PRRG1: variants seen among roughly 807,000 people sequenced by gnomAD.
PRRG1 encodes proline rich and Gla domain 1.
A neutral mutation model predicts 11.8 loss-of-function variants in PRRG1; 5 were observed. The ratio of observed to expected loss-of-function variants is 0.42; its 90% CI spans 0.22 to 0.89. The LOEUF (loss-of-function observed/expected upper bound fraction) is 0.89, where lower values mean the gene tolerates loss of function less well. Ranked by LOEUF, PRRG1 falls within the 40% of genes least tolerant of loss-of-function variation. The pLI is 0.28. For synonymous variants in PRRG1, 66 were observed against 60.4 expected, an observed-to-expected ratio of 1.09 and a Z score of -0.43; for missense variants, 155 against 166.1, an observed-to-expected ratio of 0.93 and a Z score of 0.37.
In PRRG1 at chrX:37,427,744, A is replaced by G. The variant is rs1332045540; in HGVS notation, c.171+1744A>G. On this transcript the variant is annotated intron_variant, in intron 3 of 3. Coordinates refer to ENST00000378628, the MANE Select transcript of PRRG1 (RefSeq NM_001142395.2). ...CTATGCCTGGCTTATTTCACTTAAT[A>G]TAACGTCCTCCAGGTCTATTAATGT... Among the ~76,000 whole-genome samples, 3 of 112,009 alleles carry G rather than the reference A, an allele frequency of 2.7e-5. No individual in the cohort carries two copies. In the Admixed American group the frequency reaches 2.9e-4, roughly 11 times the overall value.
chrX:37,447,811 A>G (rs782734307), intron 3 of PRRG1, among the ~76,000 whole-genome samples: 1 of 112,656 alleles, frequency 8.9e-6, no homozygotes, highest in East Asian at 2.8e-4. Context: ...AGTTTTAGCA[A>G]GAAGAAACCA....
chrX:37,394,619 A>G (rs1476536608), intron 1 of PRRG1, among the ~76,000 whole-genome samples: 2 of 111,797 alleles, frequency 1.8e-5, no homozygotes, highest in Non-Finnish European at 3.8e-5. Context: ...CAGTGTTTCA[A>G]AACTAATAAA....
chrX:37,381,381 A>G (rs1282069992), intron 1 of PRRG1, among the ~76,000 whole-genome samples: 1 of 112,290 alleles, frequency 8.9e-6, no homozygotes, highest in Non-Finnish European at 1.9e-5. Context: ...TGTATATACT[A>G]TAAGGATGTT....
intron 3 of PRRG1, among the ~76,000 whole-genome samples, chrX:37,426,215 A>G (rs1556388375): frequency 9.0e-6 from 1 of 111,582 alleles, no homozygotes; most frequent in Non-Finnish European, 1.9e-5. Context: ...CCGTTCCTAT[A>G]GGACTCTGCT....
chrX:37,421,055 G>A (rs1932648211), intron 2 of PRRG1, among the ~76,000 whole-genome samples: 1 of 111,151 alleles, frequency 9.0e-6, no homozygotes, highest in Non-Finnish European at 1.9e-5. Context: ...AGAACCTTGA[G>A]GGCAGAGGTC....
intron 1 of PRRG1, among the ~76,000 whole-genome samples, chrX:37,359,603 C>T (rs1930351876): frequency 1.8e-5 from 2 of 111,150 alleles, no homozygotes; most frequent in South Asian, 7.4e-4. Flanking sequence ...CTGTAGTTTT[C>T]TTTTCTAGTA....
chrX:37,393,605 G>T (rs942752904), intron 1 of PRRG1, among the ~76,000 whole-genome samples: 6 of 111,334 alleles, frequency 5.4e-5, no homozygotes, highest in African/African-American at 1.6e-4. Context: ...TTGACTGTTT[G>T]TCTTTGTCTC....
At chrX:37,380,931 A>T (rs1260171398) in intron 1 of PRRG1, among the ~76,000 whole-genome samples, 2 of 111,622 alleles carry the variant, frequency 1.8e-5, no homozygotes, top group African/African-American at 3.3e-5. Flanking sequence ...CAGGATTTCC[A>T]CAAACTGCTT....
intron 3 of PRRG1, among the ~76,000 whole-genome samples, chrX:37,426,623 T>C (rs781800163): frequency 2.7e-4 from 30 of 111,658 alleles, no homozygotes; most frequent in Non-Finnish European, 4.9e-4. Context: ...GTGTCACTTA[T>C]GCTAAAAAGA....
intron 3 of PRRG1, among the ~76,000 whole-genome samples, chrX:37,433,427 A>G (rs1602030191): frequency 9.0e-6 from 1 of 111,396 alleles, no homozygotes; most frequent in South Asian, 3.9e-4. Flanking sequence ...CTAGATGGAT[A>G]TGTCTGAGTT....
chrX:37,359,529 G>A (rs182747953), intron 1 of PRRG1, among the ~76,000 whole-genome samples: 14 of 110,980 alleles, frequency 1.3e-4, no homozygotes, highest in African/African-American at 4.6e-4. Flanking sequence ...ATATATGGTT[G>A]GTGGATACAA....
chrX:37,392,374 AT>A (rs1379931157), intron 1 of PRRG1, among the ~76,000 whole-genome samples: 1 of 109,776 alleles, frequency 9.1e-6, no homozygotes, highest in East Asian at 2.8e-4. Context: ...CTGATGTATC[AT>A]TAGAAAACTA....
chrX:37,403,104 A>G (rs1443975394), intron 1 of PRRG1, among the ~76,000 whole-genome samples: 1 of 109,333 alleles, frequency 9.1e-6, no homozygotes, highest in African/African-American at 3.3e-5. Flanking sequence ...TAGAAATACC[A>G]TTTGACCCAG....
chrX:37,386,726 G>A (rs1931343847), intron 1 of PRRG1: 1 of 111,878 alleles, frequency 8.9e-6, no homozygotes, highest in African/African-American at 3.3e-5. Context: ...CAGACATTAT[G>A]ATCCTGGGCA....
chrX:37,378,252 C>G (rs1314023715), intron 1 of PRRG1, among the ~76,000 whole-genome samples: 1 of 111,809 alleles, frequency 8.9e-6, no homozygotes, highest in Middle Eastern at 4.2e-3. Context: ...TTGTCTTACT[C>G]TTATATCTCT....
intron 3 of PRRG1, chrX:37,441,727 G>T: frequency 1.3e-6 from 1 of 789,849 alleles, no homozygotes; most frequent in Non-Finnish European, 1.5e-6. Context: ...GCACGTCCAG[G>T]AGCTGATGAG....
Position 37,455,952 on chromosome X carries a change from C to A in PRRG1, c.*2331C>A, listed in dbSNP as rs1294393034. 8 of 111,783 alleles carry A rather than the reference C, an allele frequency of 7.2e-5. No homozygotes were observed. The highest frequency in any genetic ancestry group is 1.3e-4 in the Non-Finnish European group (7 of 53,135). The allele number at this position is 111,783 out of a possible 1,213,427, so 9.2% of individuals were successfully genotyped here. The stretch of plus-strand genomic sequence containing the variant: ...AGCCTTTCAGGGGGGACTATGAGAT[C>A]AAAATATTTTTATTATAATGTGAAG... On this transcript the variant is annotated 3_prime_UTR_variant, in exon 4 of 4. Transcript: ENST00000378628.
At chrX:37,398,081 T>A (rs1931786298) in intron 1 of PRRG1, among the ~76,000 whole-genome samples, 1 of 108,665 alleles carries the variant, frequency 9.2e-6, no homozygotes, top group Non-Finnish European at 1.9e-5. Context: ...AGCAGTAACC[T>A]CTGCAGACTT....
intron 3 of PRRG1, among the ~76,000 whole-genome samples, chrX:37,429,171 C>G (rs1556389278): frequency 3.6e-5 from 4 of 112,116 alleles, no homozygotes; most frequent in African/African-American, 1.3e-4. Flanking sequence ...ATGACGTGCC[C>G]TGGAGACATT....
Sources: gnomAD v4.1 joint callset for allele counts (sites outside exome capture counted in the v4.1 genomes callset) on GRCh38, gnomAD v4.1.1 for gene constraint, MANE v1.5 for transcripts, NCBI Gene and HGNC (gene_info 2026-07-23, HGNC 2026-07-21) for gene names.